Variants in PRKCQ observed in about 807,000 individuals in gnomAD.
PRKCQ encodes protein kinase C theta type.
PRKCQ carries 41 observed loss-of-function variants against 91.2 expected under a neutral mutation model. That is an observed-to-expected ratio of 0.45 (90% confidence interval 0.35 to 0.58). The LOEUF (loss-of-function observed/expected upper bound fraction) is 0.58. PRKCQ is among the 20% of genes least tolerant of loss of function. PRKCQ has a pLI of 0.00. For missense variants in PRKCQ, 673 were observed against 896.5 expected (o/e 0.75, Z 3.18); for synonymous variants, 307 against 316.9 (o/e 0.97, Z 0.33).
chr10:6,479,283 C>T (rs1836447672), intron 11 of PRKCQ, 118 bp from the exon 12 acceptor site: 2 of 1,150,138 alleles, frequency 1.7e-6, no homozygotes, highest in Non-Finnish European at 2.5e-6. Flanking sequence ...CTTCTCCAAC[C>T]CCCATCCATC....
At chr10:6,419,276 T>C in the PRKCQ span, among the ~76,000 whole-genome samples, 1 of 152,212 alleles carries the variant, frequency 6.6e-6, no homozygotes, top group African/African-American at 2.4e-5. Context: ...TGTGTACGTA[T>C]ACATTAAGTG....
At chr10:6,417,679 G>C in the PRKCQ span, among the ~76,000 whole-genome samples, 3 of 152,162 alleles carry the variant, frequency 2.0e-5, no homozygotes, top group African/African-American at 7.2e-5. Context: ...GAGTGGCCAC[G>C]TGAACATTCA....
At chr10:6,522,209 C>T (rs144431973) in intron 1 of PRKCQ, among the ~76,000 whole-genome samples, 1,758 of 152,168 alleles carry the variant, frequency 0.012, 29 homozygotes, top group African/African-American at 0.04. Flanking sequence ...CCCAAAGTGC[C>T]GGGATTACAA....
At chr10:6,544,775 C>T (rs559292031) in intron 1 of PRKCQ, among the ~76,000 whole-genome samples, 5 of 152,034 alleles carry the variant, frequency 3.3e-5, no homozygotes, top group Admixed American at 6.6e-5. Context: ...CACGTACCAC[C>T]GCACCTGGCT....
chr10:6,451,186 T>A (rs1458046368), intron 15 of PRKCQ, among the ~76,000 whole-genome samples: 4 of 148,928 alleles, frequency 2.7e-5, no homozygotes, highest in Non-Finnish European at 4.4e-5. Flanking sequence ...CTAGCAAGAC[T>A]AATAAAGAAA....
intron 4 of PRKCQ, among the ~76,000 whole-genome samples, chr10:6,502,101 A>G (rs1158916550): frequency 6.6e-6 from 1 of 152,196 alleles, no homozygotes; most frequent in Non-Finnish European, 1.5e-5. Flanking sequence ...AGTTAAAGGA[A>G]TTAATGAGAC....
At chr10:6,513,447 CAAAAAA>C (rs58606251) in intron 2 of PRKCQ, among the ~76,000 whole-genome samples, 2 of 105,592 alleles carry the variant, frequency 1.9e-5, no homozygotes, top group Non-Finnish European at 1.8e-5. Context: ...AGGCCAAATG[CAAAAAA>C]AAAAAAAAAA....
intron 1 of PRKCQ, among the ~76,000 whole-genome samples, chr10:6,546,856 T>C (rs941849967): frequency 6.6e-6 from 1 of 152,212 alleles, no homozygotes; most frequent in African/African-American, 2.4e-5. Flanking sequence ...CTGTATGATA[T>C]TGGCTGTGGG....
intron 16 of PRKCQ, among the ~76,000 whole-genome samples, chr10:6,439,364 C>A (rs905272468): frequency 1.1e-4 from 17 of 152,206 alleles, no homozygotes; most frequent in Admixed American, 8.5e-4. Context: ...AACAATATTT[C>A]TGGTGGACAG....
chr10:6,440,344 C>G (rs1200582851), intron 16 of PRKCQ, among the ~76,000 whole-genome samples: 3 of 152,202 alleles, frequency 2.0e-5, no homozygotes, highest in African/African-American at 7.2e-5. Context: ...AGGCCAGGGA[C>G]TGGACTGAAT....
In PRKCQ at chr10:6,428,178, A is replaced by ATTCT; in HGVS notation, c.*25_*28dup. On this transcript the variant is annotated 3_prime_UTR_variant, in exon 18 of 18. Coordinates refer to ENST00000263125, the MANE Select transcript of PRKCQ (RefSeq NM_006257.5). ...GAACCAGTTCCCAGGGAGAAGGCAA[A>ATTCT]TTCTTTCCTGTCTCTGGAGGGGCAA... 6.2e-7 allele frequency: 1 copy of ATTCT among 1,613,860 alleles called. No individual in the cohort carries two copies. Among genetic ancestry groups the ATTCT allele is most frequent in the African/African-American group, 1.3e-5 (1 of 75,022 alleles).
the PRKCQ span, among the ~76,000 whole-genome samples, chr10:6,407,024 A>G: frequency 1.3e-5 from 2 of 152,234 alleles, no homozygotes; most frequent in Non-Finnish European, 2.9e-5. The surrounding 1 kb of genome is among the most constrained non-coding windows in gnomAD (Gnocchi z 4.0). Context: ...CTTTGAAAAG[A>G]TCAATGAGTG....
intron 1 of PRKCQ, among the ~76,000 whole-genome samples, chr10:6,555,667 A>G (rs1840381333): frequency 6.6e-6 from 1 of 152,184 alleles, no homozygotes; most frequent in Admixed American, 6.5e-5. Context: ...CATTGTATTA[A>G]TAATAAGGTT....
chr10:6,474,854 T>C (rs1189746762), intron 12 of PRKCQ, among the ~76,000 whole-genome samples: 1 of 152,206 alleles, frequency 6.6e-6, no homozygotes, highest in African/African-American at 2.4e-5. Flanking sequence ...AAAATCTAAG[T>C]TGGAAATCTA....
chr10:6,497,354 A>G lies in PRKCQ; in HGVS notation c.543-103T>C. On this transcript the variant is annotated intron_variant, in intron 5 of 17. Coordinates refer to ENST00000263125, the MANE Select transcript of PRKCQ (RefSeq NM_006257.5). This position sits in a 1 kb window ranked among gnomAD's most constrained non-coding sequence, Gnocchi z 4.5. Reference sequence around the variant, plus strand: ...ATCTCATAACCCCCTAAGATCACAGAGCAGTTTCTGATCAGCAGCCCTGTT... The same window carrying G: ...ATCTCATAACCCCCTAAGATCACAGGGCAGTTTCTGATCAGCAGCCCTGTT... 1 of 1,364,208 alleles carries G rather than the reference A, an allele frequency of 7.3e-7. No homozygotes were observed. Among genetic ancestry groups the G allele is most frequent in the Non-Finnish European group, 1.0e-6 (1 of 956,734 alleles). 84.5% of individuals were successfully genotyped at this position (1,364,208 alleles called of 1,614,324 possible). A position where few individuals can be genotyped will look rare whatever the true frequency, so the allele number is the denominator to read the frequency against.
intron 14 of PRKCQ, among the ~76,000 whole-genome samples, chr10:6,462,025 G>A (rs911987256): frequency 3.3e-5 from 5 of 152,118 alleles, no homozygotes; most frequent in Non-Finnish European, 7.3e-5. Flanking sequence ...AGAGAAAACA[G>A]GACAGTGAAA....
chr10:6,448,477 C>T lies in PRKCQ; in HGVS notation c.1648-6396G>A, dbSNP rs531215453. On this transcript the variant is annotated intron_variant, in intron 15 of 17. Transcript: ENST00000263125. ...AAGCTGGAGTGCAGTGGCACGATCT[C>T]GGCTCACTGCAACCTCCGCCTCCCG... Among the ~76,000 whole-genome samples the T allele has an allele frequency of 8.6e-5, 13 of 151,974 alleles. No homozygotes were observed. In the East Asian group the frequency reaches 1.2e-3, roughly 14 times the overall value.
At chr10:6,419,185 A>ATCTC in the PRKCQ span, among the ~76,000 whole-genome samples, 1 of 144,540 alleles carries the variant, frequency 6.9e-6, no homozygotes, top group African/African-American at 2.9e-5. Flanking sequence ...ACTTCTGTCT[A>ATCTC]TCTCTCTATC....
At chr10:6,483,077 C>T (rs1336351049) in intron 11 of PRKCQ, among the ~76,000 whole-genome samples, 1 of 152,182 alleles carries the variant, frequency 6.6e-6, no homozygotes, top group African/African-American at 2.4e-5. Context: ...AACAACACTC[C>T]AGGCTTGAGA....
Sources: allele counts gnomAD v4.1 joint callset (sites outside exome capture counted in the v4.1 genomes callset), GRCh38; gene constraint gnomAD v4.1.1; non-coding constraint Gnocchi (gnomAD v3.1); transcripts MANE v1.5; gene names NCBI Gene and HGNC (gene_info 2026-07-23, HGNC 2026-07-21).